The following MYH10 variants were observed in gnomAD, a reference collection of about 807,000 sequenced individuals.
MYH10 encodes myosin heavy chain 10.
MYH10 carries 55 observed loss-of-function variants against 257.8 expected under a neutral mutation model. That is an observed-to-expected ratio of 0.21 (90% CI 0.17 to 0.27). MYH10 has a LOEUF of 0.27. Ranked by LOEUF, MYH10 falls within the 10% of genes least tolerant of loss-of-function variation. The pLI is 1.00. For synonymous variants in MYH10, 854 were observed against 921.7 expected, an observed-to-expected ratio of 0.93 and a Z score of 1.33; for missense variants, 1,631 against 2,500.6, an observed-to-expected ratio of 0.65 and a Z score of 7.42.
chr17:8,623,988 C>T (rs1018623346), intron 1 of MYH10, among the ~76,000 whole-genome samples: 2 of 152,244 alleles, frequency 1.3e-5, no homozygotes, highest in South Asian at 2.1e-4. Context: ...CTTCCCCTGC[C>T]GGATCTCTCG....
chr17:8,578,128 G>C (rs2083568084), intron 4 of MYH10, among the ~76,000 whole-genome samples: 1 of 152,142 alleles, frequency 6.6e-6, no homozygotes, highest in African/African-American at 2.4e-5. Context: ...CTCAGAGCAG[G>C]CTAGTGACGA....
At chr17:8,603,624 A>C (rs1412989156) in intron 3 of MYH10, among the ~76,000 whole-genome samples, 1 of 152,112 alleles carries the variant, frequency 6.6e-6, no homozygotes, top group Non-Finnish European at 1.5e-5. Context: ...TCACTAATAC[A>C]AACACTCTTC....
chr17:8,504,663 G>A lies in MYH10; in HGVS notation c.3599+31C>T, dbSNP rs2081017034. 1 of 1,595,796 alleles carries A rather than the reference G, an allele frequency of 6.3e-7. No homozygotes were observed. The highest frequency in any genetic ancestry group is 8.6e-7 in the Non-Finnish European group (1 of 1,166,550). On this transcript the variant is annotated intron_variant, in intron 28 of 42. Coordinates refer to ENST00000360416, the MANE Select transcript of MYH10 (RefSeq NM_001256012.3). This position sits in a 1 kb window ranked among gnomAD's most constrained non-coding sequence, Gnocchi z 5.6. ...GGGCTCGGTGGAGAGGTCGGCAGGC[G>A]CCCGGGCCCTGCTTCCTCTCCCACA... is the stretch of plus-strand genomic sequence containing the variant.
chr17:8,518,623 CCACT>C lies in MYH10; in HGVS notation c.2504+4_2504+7del, dbSNP rs2081554194. ...CAGTGAACGATTAATTCGTGAATAC[CCACT>C]CACTTTCTGGCCAGGTAACCTCTGC... On this transcript the variant is annotated splice_donor_5th_base_variant and intron_variant, in intron 21 of 42. Coordinates refer to ENST00000360416, the MANE Select transcript of MYH10 (RefSeq NM_001256012.3). 1.2e-6 allele frequency: 2 copies of C among 1,608,632 alleles called. No homozygotes were observed. The highest frequency in any genetic ancestry group is 1.7e-6 in the Non-Finnish European group (2 of 1,177,670).
At chr17:8,591,252 G>A (rs1487527764) in intron 3 of MYH10, among the ~76,000 whole-genome samples, 1 of 152,130 alleles carries the variant, frequency 6.6e-6, no homozygotes, top group African/African-American at 2.4e-5. Flanking sequence ...CATTGCTTGA[G>A]ATCCGAGACT....
In MYH10 at chr17:8,548,377, C is replaced by T; in HGVS notation, c.1095G>A (p.Gln365=). Residue 365 remains glutamine, a synonymous_variant, in exon 11 of 43, where the codon CAG becomes CAA. Transcript: ENST00000360416. The stretch of plus-strand genomic sequence containing the variant: ...CCTTTTTGAAAGAAATATTTCCAAA[C>T]TGTAGCACTGAAGATACTACTTTAA... The part of the protein sequence containing the change: ...SMLKVVSSVL[Q]FGNISFKKER... 1 of 1,612,586 alleles carries T rather than the reference C, an allele frequency of 6.2e-7. No individual in the cohort carries two copies. Among genetic ancestry groups the T allele is most frequent in the Non-Finnish European group, 8.5e-7 (1 of 1,179,326 alleles).
chr17:8,551,157 AAT>A (rs1210907914), intron 9 of MYH10, among the ~76,000 whole-genome samples: 60 of 120,882 alleles, frequency 5.0e-4, no homozygotes, highest in South Asian at 1.4e-3. Context: ...ATAAATAATA[AAT>A]TTAAAAAAAA....
chr17:8,571,011 C>A (rs1353714351), intron 6 of MYH10, among the ~76,000 whole-genome samples: 1 of 152,140 alleles, frequency 6.6e-6, no homozygotes, highest in Non-Finnish European at 1.5e-5. Context: ...CCGTGTTCAA[C>A]TGAAGCCAGT....
intron 2 of MYH10, among the ~76,000 whole-genome samples, chr17:8,618,676 A>G (rs952333992): frequency 7.9e-5 from 12 of 152,244 alleles, no homozygotes; most frequent in African/African-American, 2.9e-4. Context: ...GCATGATTTC[A>G]TAACACCATA....
At chr17:8,595,454 CAG>C (rs2084330312) in intron 3 of MYH10, among the ~76,000 whole-genome samples, 1 of 69,738 alleles carries the variant, frequency 1.4e-5, no homozygotes, top group African/African-American at 6.7e-5. Flanking sequence ...TTTTTTGAGA[CAG>C]AGTTTTGCTC....
In MYH10 at chr17:8,477,035, T is replaced by C. The variant is rs1291585056; in HGVS notation, c.5720A>G (p.Asn1907Ser). ...GCGTTTAAGCTGCTTCATCCGAGCG[T>C]TGGCCTTCTCCATCTTGGGGAGGGT... is the stretch of plus-strand genomic sequence containing the variant. The part of the protein sequence containing the change: ...DQYKEQMEKA[N>S]ARMKQLKRQL... The change falls in exon 42 of 43, where the codon AAC (asparagine) becomes AGC (serine). Residue 1907 changes from asparagine to serine, a missense_variant. Around this residue, in one of 11 missense-constraint regions of MYH10, gnomAD observed 343 missense variants for 389.5 expected, o/e 0.88. Transcript: ENST00000360416. This position sits in a 1 kb window ranked among gnomAD's most constrained non-coding sequence, Gnocchi z 4.2. 3 of 1,614,084 alleles carry C rather than the reference T, an allele frequency of 1.9e-6. No homozygotes were observed. The highest frequency in any genetic ancestry group is 1.1e-5 in the South Asian group (1 of 91,086).
At chr17:8,543,543 T>G (rs535966256) in intron 13 of MYH10, among the ~76,000 whole-genome samples, 2 of 151,986 alleles carry the variant, frequency 1.3e-5, no homozygotes, top group Admixed American at 6.6e-5. Context: ...GGCACAATCT[T>G]GGCTCACTGC....
At chr17:8,530,727 A>G in intron 16 of MYH10, 42 bp from the exon 17 acceptor site, 1 of 1,414,158 alleles carries the variant, frequency 7.1e-7, no homozygotes, top group African/African-American at 1.4e-5. Flanking sequence ...AAGAGCAAAT[A>G]CACAAACACT....
intron 3 of MYH10, among the ~76,000 whole-genome samples, chr17:8,591,581 A>G (rs2084141269): frequency 6.6e-6 from 1 of 152,178 alleles, no homozygotes; most frequent in African/African-American, 2.4e-5. Flanking sequence ...CAAGTTGTTT[A>G]TGGTTTTTCG....
intron 6 of MYH10, among the ~76,000 whole-genome samples, chr17:8,570,220 T>C (rs1285512229): frequency 6.6e-6 from 1 of 152,232 alleles, no homozygotes; most frequent in Non-Finnish European, 1.5e-5. Context: ...AGGCAGTTAA[T>C]TTAACAGTTA....
intron 2 of MYH10, among the ~76,000 whole-genome samples, chr17:8,608,122 G>A (rs2084882754): frequency 6.6e-6 from 1 of 152,146 alleles, no homozygotes; most frequent in Non-Finnish European, 1.5e-5. Flanking sequence ...AGCGACAAGG[G>A]CCTAAAAAAA....
At chr17:8,574,644 A>G (rs1165590402) in intron 6 of MYH10, among the ~76,000 whole-genome samples, 1 of 152,256 alleles carries the variant, frequency 6.6e-6, no homozygotes, top group Admixed American at 6.5e-5. Context: ...TACAATTCAT[A>G]CTACCGTTTA....
At position 8,581,162 on chromosome 17, in the gene MYH10, G is replaced by A. The variant is rs560625743; in HGVS notation, c.531-3824C>T. The stretch of plus-strand genomic sequence containing the variant: ...CGAGAGAGGCAGATGGAGCAGGAAG[G>A]GGAGGGGTGCCATGGACCCTGGAGG... On this transcript the variant is annotated intron_variant, in intron 4 of 42. Coordinates refer to ENST00000360416, the MANE Select transcript of MYH10 (RefSeq NM_001256012.3). Among the ~76,000 whole-genome samples, 3 of 152,176 alleles carry A rather than the reference G, an allele frequency of 2.0e-5. No individual in the cohort carries two copies. The South Asian group carries it at 6.2e-4, about 32-fold the overall frequency.
At chr17:8,613,563 G>C (rs768139120) in intron 2 of MYH10, among the ~76,000 whole-genome samples, 9 of 152,154 alleles carry the variant, frequency 5.9e-5, no homozygotes, top group Middle Eastern at 3.4e-3. Flanking sequence ...ACCACTAAAA[G>C]AATAGCTAAG....
Sources: gnomAD v4.1 joint callset for allele counts (sites outside exome capture counted in the v4.1 genomes callset) on GRCh38, gnomAD v4.1.1 for gene constraint, gnomAD v4.1.1 regional missense constraint, Gnocchi (gnomAD v3.1) non-coding constraint, MANE v1.5 for transcripts, NCBI Gene and HGNC (gene_info 2026-07-23, HGNC 2026-07-21) for gene names.